CTTN: variants seen among roughly 807,000 people sequenced by gnomAD.
CTTN encodes src substrate cortactin.
CTTN carries 28 observed loss-of-function variants against 84.0 expected under a neutral mutation model. That is an observed-to-expected ratio of 0.33 (90% CI 0.25 to 0.46). The LOEUF (loss-of-function observed/expected upper bound fraction) is 0.46. Ranked by LOEUF, CTTN falls within the 20% of genes least tolerant of loss-of-function variation. The pLI is 1.00. For synonymous variants in CTTN, 301 were observed against 288.8 expected, an observed-to-expected ratio of 1.04 and a Z score of -0.43; for missense variants, 641 against 723.8, an observed-to-expected ratio of 0.89 and a Z score of 1.31.
At chr11:70,415,376 G>A (rs895064983) in intron 6 of CTTN, among the ~76,000 whole-genome samples, 3 of 152,186 alleles carry the variant, frequency 2.0e-5, no homozygotes, top group Middle Eastern at 3.2e-3. Context: ...TGTGAAGCCC[G>A]TGGAATGAAT....
chr11:70,401,438 T>G (rs891252565), intron 1 of CTTN, among the ~76,000 whole-genome samples: 1 of 152,036 alleles, frequency 6.6e-6, no homozygotes, highest in Non-Finnish European at 1.5e-5. Flanking sequence ...ATCACACTAT[T>G]GCACTCCAGC....
At chr11:70,434,843 A>C (rs761497614) in intron 17 of CTTN, among the ~76,000 whole-genome samples, 183 bp from the exon 18 acceptor site, 1 of 152,194 alleles carries the variant, frequency 6.6e-6, no homozygotes, top group African/African-American at 2.4e-5. Context: ...CTCTCGGTTC[A>C]TGTTCACAAA....
rs1217715691 is a variant in CTTN, at chr11:70,433,341, G to A, written c.1444+63G>A. The A allele has an allele frequency of 1.7e-5, 25 of 1,485,392 alleles. No individual in the cohort carries two copies. The East Asian group carries it at 4.4e-4, about 26-fold the overall frequency. The allele number at this position is 1,485,392 out of a possible 1,614,324, so 92.0% of individuals were successfully genotyped here. On this transcript the variant is annotated intron_variant, in intron 16 of 17. Transcript: ENST00000301843. The stretch of plus-strand genomic sequence containing the variant: ...AGGGAGCTCCCGGGACATCCTGCTC[G>A]ACCTGTGGCGTCGTTGCGAGGAGCG...
chr11:70,419,617 G>C, intron 8 of CTTN, 129 bp from the exon 9 acceptor site: 1 of 691,306 alleles, frequency 1.4e-6, no homozygotes, highest in Non-Finnish European at 2.5e-6. Flanking sequence ...TTTAAATACT[G>C]TCTGTATTAT....
rs751846099 is a variant in CTTN, at chr11:70,428,856, C to T, written c.1028-195C>T. Among the ~76,000 whole-genome samples, 9 of 152,358 alleles carry T rather than the reference C, an allele frequency of 5.9e-5. 1 individual carries two copies. The South Asian group carries it at 1.2e-3, about 21-fold the overall frequency. Reference sequence around the variant, plus strand: ...GGGATTGCCAGTCCCACCAGGTACGCAGTGCCCTGCGGCAGGTGCCCAGTG... The same window carrying T: ...GGGATTGCCAGTCCCACCAGGTACGTAGTGCCCTGCGGCAGGTGCCCAGTG... On this transcript the variant is annotated intron_variant, in intron 13 of 17. Transcript: ENST00000301843.
At position 70,433,693 on chromosome 11, in the gene CTTN, C is replaced by T. The variant is rs770334765; in HGVS notation, c.1491C>T (p.Ala497=). The T allele has an allele frequency of 1.1e-5, 17 of 1,613,694 alleles. No homozygotes were observed. The highest frequency in any genetic ancestry group is 6.7e-5 in the Admixed American group (4 of 60,006). The change falls in exon 17 of 18, where the codon GCC becomes GCT. Residue 497 remains alanine (A), a synonymous_variant. Coordinates refer to ENST00000301843, the MANE Select transcript of CTTN (RefSeq NM_005231.4). ...DEYENDLGIT[A]VALYDYQAAG... Reference sequence around the variant, plus strand: ...ACGAGAACGATCTGGGGATCACAGCCGTCGCCCTGTACGACTACCAGGCTG... The same window carrying T: ...ACGAGAACGATCTGGGGATCACAGCTGTCGCCCTGTACGACTACCAGGCTG...
chr11:70,434,895 C>T (rs1363931261), intron 17 of CTTN, 131 bp from the exon 18 acceptor site: 33 of 938,804 alleles, frequency 3.5e-5, no homozygotes, highest in South Asian at 2.5e-4. Context: ...GGAGCCTCCG[C>T]GGTGGTCCGC....
intron 14 of CTTN, among the ~76,000 whole-genome samples, chr11:70,429,636 G>A (rs1293865526): frequency 1.3e-5 from 2 of 152,096 alleles, no homozygotes; most frequent in Non-Finnish European, 1.5e-5. Context: ...GCCTGCTCTC[G>A]GGGCCTGCTT....
At chr11:70,416,974 C>T (rs777865914) in intron 7 of CTTN, 39 bp from the exon 8 acceptor site, 3 of 1,439,328 alleles carry the variant, frequency 2.1e-6, no homozygotes, top group South Asian at 2.3e-5. Flanking sequence ...TGTAGTTCGT[C>T]CTCAGGCCCC....
chr11:70,431,265 G>T lies in CTTN; in HGVS notation c.1251G>T (p.Ser417=), dbSNP rs750275617. The T allele has an allele frequency of 1.1e-5, 17 of 1,614,006 alleles. No individual in the cohort carries two copies. Among genetic ancestry groups the T allele is most frequent in the Admixed American group, 3.3e-5 (2 of 59,996 alleles). ...AGCCAACCGAGGAGAGGCTGCCCTC[G>T]AGCCCCGTCTATGAGGTTGGTGTCT... The part of the protein sequence containing the change: ...APQPTEERLP[S]SPVYEDAASF... Residue 417 remains serine (S), a synonymous_variant, in exon 15 of 18, where the codon TCG becomes TCT. Transcript: ENST00000301843.
At chr11:70,427,188 A>G (rs2058309341) in intron 13 of CTTN, among the ~76,000 whole-genome samples, 1 of 151,944 alleles carries the variant, frequency 6.6e-6, no homozygotes, top group Non-Finnish European at 1.5e-5. Context: ...TGTCTCTACT[A>G]AAGATACAAA....
rs773851443 is a variant in CTTN, at chr11:70,436,358, C to T, written c.*1196C>T. 3.1e-6 allele frequency: 5 copies of T among 1,598,158 alleles called. No individual in the cohort carries two copies. In the Admixed American group the frequency reaches 8.3e-5, roughly 27 times the overall value. On this transcript the variant is annotated 3_prime_UTR_variant, in exon 18 of 18. Coordinates refer to ENST00000301843, the MANE Select transcript of CTTN (RefSeq NM_005231.4). Reference sequence around the variant, plus strand: ...CAGTCAGGTGGGCGGTGTGTCTTTCCAGAAGGTCACGTGGAAATGTCTCGG... The same window carrying T: ...CAGTCAGGTGGGCGGTGTGTCTTTCTAGAAGGTCACGTGGAAATGTCTCGG...
intron 7 of CTTN, chr11:70,416,062 C>T (rs547492332): frequency 2.2e-5 from 6 of 267,534 alleles, no homozygotes; most frequent in Admixed American, 9.9e-5. Context: ...ACAGATTGAT[C>T]GGCAGAAAGC....
chr11:70,427,696 G>A lies in CTTN; in HGVS notation c.1028-1355G>A, dbSNP rs1328702313. 2.0e-5 allele frequency among the ~76,000 whole-genome samples: 3 copies of A among 152,232 alleles called. No homozygotes were observed. The East Asian group carries it at 5.8e-4, about 29-fold the overall frequency. On this transcript the variant is annotated intron_variant, in intron 13 of 17. Coordinates refer to ENST00000301843, the MANE Select transcript of CTTN (RefSeq NM_005231.4). ...ACCCACTGTGCTTGGGCAGCACTGTGTGTTGGTCATTTGGAAAATGCTGGG... is the reference window on the plus strand; with the variant it reads ...ACCCACTGTGCTTGGGCAGCACTGTATGTTGGTCATTTGGAAAATGCTGGG...
chr11:70,402,795 G>T (rs539123928), intron 1 of CTTN, among the ~76,000 whole-genome samples: 1 of 152,284 alleles, frequency 6.6e-6, no homozygotes, highest in East Asian at 1.9e-4. Context: ...GAACACTCAC[G>T]CACAAGTTTT....
intron 15 of CTTN, among the ~76,000 whole-genome samples, chr11:70,431,549 CCCTGCTGTAGTCA>C (rs2058354147): frequency 6.6e-6 from 1 of 152,126 alleles, no homozygotes; most frequent in South Asian, 2.1e-4. Context: ...TCACTGCAGT[CCCTGCTGTAGTCA>C]CCTGCTATCA....
chr11:70,409,937 G>A lies in CTTN; in HGVS notation c.268G>A (p.Val90Met). Residue 90 changes from valine (V) to methionine (M), a missense_variant, in exon 5 of 18, where the codon GTG becomes ATG. Physicochemically the swap from Val to Met is conservative, Grantham distance 21 (BLOSUM62 1). This residue lies in a region of CTTN where 284 missense variants were observed against 348.4 expected (regional missense o/e 0.82). Coordinates refer to ENST00000301843, the MANE Select transcript of CTTN (RefSeq NM_005231.4). The stretch of plus-strand genomic sequence containing the variant: ...CCATGGCTATGGAGGGAAATTTGGT[G>A]TGGAACAAGACCGAATGGATAAGGT... ...ASHGYGGKFG[V>M]EQDRMDKSAV... is the part of the protein sequence containing the mutation. The A allele has an allele frequency of 3.7e-6, 6 of 1,614,074 alleles. No homozygotes were observed. The highest frequency in any genetic ancestry group is 2.2e-5 in the East Asian group (1 of 44,884).
intron 1 of CTTN, among the ~76,000 whole-genome samples, chr11:70,402,879 TA>T (rs1477231924): frequency 6.6e-6 from 1 of 152,338 alleles, no homozygotes; most frequent in East Asian, 1.9e-4. Flanking sequence ...TACCTGAGTT[TA>T]ACCTTCTGAG....
At chr11:70,420,194 G>A (rs1591442420) in intron 9 of CTTN, 2 of 603,902 alleles carry the variant, frequency 3.3e-6, no homozygotes, top group Admixed American at 2.9e-5. Flanking sequence ...GCTTAGTCAC[G>A]ATGCTGAGGT....
Sources: gnomAD v4.1 joint callset for allele counts (sites outside exome capture counted in the v4.1 genomes callset) on GRCh38, gnomAD v4.1.1 for gene constraint, gnomAD v4.1.1 regional missense constraint, MANE v1.5 for transcripts, NCBI Gene and HGNC (gene_info 2026-07-23, HGNC 2026-07-21) for gene names.